The following ESRRG variants were observed in gnomAD, a reference collection of about 807,000 sequenced individuals.
The protein encoded by ESRRG is estrogen related receptor gamma.
A neutral mutation model predicts 44.0 loss-of-function variants in ESRRG; 13 were observed. That is an observed-to-expected ratio of 0.30 (90% confidence interval 0.19 to 0.47). ESRRG has a LOEUF of 0.47. ESRRG is among the 20% of genes least tolerant of loss of function. The pLI is 1.00. For synonymous variants in ESRRG, 215 were observed against 214.6 expected (o/e 1.00, Z -0.02); for missense variants, 395 against 580.6 (o/e 0.68, Z 3.29).
chr1:216,751,836 A>ATT lies in ESRRG; in HGVS notation c.-13-74347_-13-74346dup, dbSNP rs35285521. Reference sequence around the variant, plus strand: ...GGAAGAATATTCAGCTGATATATATATTTTTTTCTTTTTGGAAGAAGCTAT... The same window carrying ATT: ...GGAAGAATATTCAGCTGATATATATATTTTTTTTTCTTTTTGGAAGAAGCTAT... On this transcript the variant is annotated intron_variant, in intron 2 of 7. Coordinates refer to the ESRRG transcript ENST00000359162. Among the ~76,000 whole-genome samples, 316 of 151,526 alleles carry ATT rather than the reference A, an allele frequency of 2.1e-3. 2 individuals are homozygous for ATT. Among genetic ancestry groups the ATT allele is most frequent in the African/African-American group, 6.0e-3 (250 of 41,370 alleles).
rs1038350729 is a variant in ESRRG, at chr1:216,712,730, T to C, written c.56+10514A>G. Reference sequence around the variant, plus strand: ...AGTGATGCATTTTTATGTTTACAATTGACATCTTCATAAAAGAATGAAACC... The same window carrying C: ...AGTGATGCATTTTTATGTTTACAATCGACATCTTCATAAAAGAATGAAACC... On this transcript the variant is annotated intron_variant, in intron 1 of 6. Transcript: ENST00000408911. Among the ~76,000 whole-genome samples the C allele has an allele frequency of 9.1e-4, 139 of 152,338 alleles. 1 individual carries two copies. Among genetic ancestry groups the C allele is most frequent in the African/African-American group, 3.1e-3 (129 of 41,568 alleles).
chr1:216,698,215 A>G (rs1350375749), intron 1 of ESRRG, among the ~76,000 whole-genome samples: 1 of 152,100 alleles, frequency 6.6e-6, no homozygotes, highest in Non-Finnish European at 1.5e-5. Context: ...AACTAGTTAG[A>G]TGTATAAGAT....
intron 2 of ESRRG, among the ~76,000 whole-genome samples, chr1:216,730,621 A>G (rs75267679): frequency 0.024 from 3,715 of 152,230 alleles, 148 homozygotes; most frequent in African/African-American, 0.085. Flanking sequence ...TATGTCTTGG[A>G]TGAGTGAATG....
At chr1:216,863,529 A>G (rs1212250714) in intron 2 of ESRRG, 2 of 152,186 alleles carry the variant, frequency 1.3e-5, no homozygotes, top group African/African-American at 4.8e-5. Flanking sequence ...GCAATTAAAT[A>G]TCAAACCAGT....
chr1:216,528,717 A>C (rs2048404529), intron 5 of ESRRG, among the ~76,000 whole-genome samples: 1 of 152,108 alleles, frequency 6.6e-6, no homozygotes, highest in Non-Finnish European at 1.5e-5. Flanking sequence ...CATTTTCCAC[A>C]CTAAAAAACT....
At chr1:216,726,201 G>A (rs541020026), upstream of ESRRG, among the ~76,000 whole-genome samples, 3 of 152,238 alleles carry the variant, frequency 2.0e-5, no homozygotes, top group African/African-American at 7.2e-5. Context: ...GCTGCTTTCT[G>A]AGTGACCAGA....
At chr1:217,016,848 T>C (rs2150865259) in intron 1 of ESRRG, among the ~76,000 whole-genome samples, 1 of 152,334 alleles carries the variant, frequency 6.6e-6, no homozygotes, top group East Asian at 1.9e-4. Context: ...TTGCAAACTG[T>C]AATTGTCAAT....
chr1:217,055,831 C>T (rs1217089810), intron 1 of ESRRG, among the ~76,000 whole-genome samples: 2 of 152,210 alleles, frequency 1.3e-5, no homozygotes, highest in Non-Finnish European at 2.9e-5. Context: ...TCCTCTTCCC[C>T]ACACCCAGAT....
intron 1 of ESRRG, among the ~76,000 whole-genome samples, chr1:217,035,225 C>T (rs2082677390): frequency 6.7e-6 from 1 of 148,722 alleles, no homozygotes. Context: ...GTGGCTCACA[C>T]CTGAAATCCC....
intron 1 of ESRRG, among the ~76,000 whole-genome samples, chr1:216,717,331 A>C (rs2085117775): frequency 6.6e-6 from 1 of 151,870 alleles, no homozygotes; most frequent in African/African-American, 2.4e-5. Context: ...GTGTGTGCTA[A>C]AACTCTGAAT....
chr1:216,896,296 T>G (rs2058407972), intron 2 of ESRRG, among the ~76,000 whole-genome samples: 1 of 152,214 alleles, frequency 6.6e-6, no homozygotes, highest in Admixed American at 6.5e-5. Flanking sequence ...TTTTCAGTCA[T>G]ATTTTCCATA....
chr1:216,894,906 AT>A (rs886314201), intron 2 of ESRRG, among the ~76,000 whole-genome samples: 2 of 151,912 alleles, frequency 1.3e-5, no homozygotes, highest in Admixed American at 6.6e-5. Context: ...ATCCACGTTA[AT>A]TTTTTTTAAA....
At chr1:217,102,052 C>G (rs910878736) in intron 1 of ESRRG, among the ~76,000 whole-genome samples, 5 of 152,150 alleles carry the variant, frequency 3.3e-5, no homozygotes, top group African/African-American at 4.8e-5. Flanking sequence ...GTGATCCCCC[C>G]GCTTCGGCCT....
At chr1:216,740,668 A>G (rs1036764861) in intron 2 of ESRRG, among the ~76,000 whole-genome samples, 1 of 152,008 alleles carries the variant, frequency 6.6e-6, no homozygotes, top group Non-Finnish European at 1.5e-5. Context: ...AAAGAAAGAA[A>G]TTGTAACCCT....
chr1:216,805,584 T>A (rs1261815190), intron 2 of ESRRG, among the ~76,000 whole-genome samples: 1 of 152,142 alleles, frequency 6.6e-6, no homozygotes, highest in African/African-American at 2.4e-5. Context: ...TATCACACTG[T>A]CCAATTTGGT....
chr1:216,922,786 T>A (rs1331403314), intron 2 of ESRRG, among the ~76,000 whole-genome samples: 3 of 152,176 alleles, frequency 2.0e-5, no homozygotes, highest in African/African-American at 7.2e-5. Context: ...GCAAGCACTT[T>A]AGTGTTTCCT....
intron 2 of ESRRG, among the ~76,000 whole-genome samples, chr1:216,815,574 A>C (rs1438121929): frequency 6.6e-6 from 1 of 151,992 alleles, no homozygotes; most frequent in Non-Finnish European, 1.5e-5. Flanking sequence ...GAAAAAGACC[A>C]CCCGGGCTCA....
intron 1 of ESRRG, among the ~76,000 whole-genome samples, chr1:216,715,767 TC>T (rs999639476): frequency 1.2e-4 from 19 of 152,114 alleles, no homozygotes; most frequent in African/African-American, 4.6e-4. Flanking sequence ...TTGAAAAGTA[TC>T]CTTTTAAGAT....
Position 217,018,528 on chromosome 1 carries a change from T to C in ESRRG, c.-106+70979A>G, listed in dbSNP as rs11572436. On this transcript the variant is annotated intron_variant, in intron 1 of 7. Coordinates refer to the ESRRG transcript ENST00000359162. ...CTGGTTCCTGCCTCTCTTTCCAGCCTCATTTTGCTGCTCAGCTCCCTCCTT... is the reference window on the plus strand; with the variant it reads ...CTGGTTCCTGCCTCTCTTTCCAGCCCCATTTTGCTGCTCAGCTCCCTCCTT... 8.7e-3 allele frequency among the ~76,000 whole-genome samples: 1,325 copies of C among 152,268 alleles called. 5 individuals carry two copies. The highest frequency in any genetic ancestry group is 0.013 in the Non-Finnish European group (896 of 68,014).
Sources: allele counts gnomAD v4.1 joint callset (sites outside exome capture counted in the v4.1 genomes callset), GRCh38; gene constraint gnomAD v4.1.1; transcripts MANE v1.5; gene names NCBI Gene and HGNC (gene_info 2026-07-23, HGNC 2026-07-21).